Variants in EYS observed in about 807,000 individuals in gnomAD.
The protein encoded by EYS is EGF-like photoreceptor maintenance factor, also known as protein eyes shut homolog.
EYS carries 250 observed loss-of-function variants against 282.1 expected under a neutral mutation model. The observed-to-expected ratio is 0.89, with a 90% CI of 0.80 to 0.98. The LOEUF (loss-of-function observed/expected upper bound fraction) is 0.98, where lower values mean the gene tolerates loss of function less well. EYS is among the 50% of genes least tolerant of loss of function. The pLI, the probability that EYS is intolerant of heterozygous loss-of-function variation, is 0.00. For synonymous variants in EYS, 1,355 were observed against 1,282.9 expected (o/e 1.06, Z -1.20); for missense variants, 4,016 against 3,709.0 (o/e 1.08, Z -2.15).
At chr6:63,859,531 A>G (rs1772481919) in intron 36 of EYS, among the ~76,000 whole-genome samples, 2 of 152,032 alleles carry the variant, frequency 1.3e-5, no homozygotes, top group African/African-American at 4.8e-5. Context: ...AGAGAGCAAG[A>G]GATAACGCAT....
chr6:64,434,942 C>T (rs973079162), intron 28 of EYS, among the ~76,000 whole-genome samples: 1 of 151,970 alleles, frequency 6.6e-6, no homozygotes, highest in Non-Finnish European at 1.5e-5. Flanking sequence ...AGGAGCCCAT[C>T]TATGTCCTTC....
intron 40 of EYS, among the ~76,000 whole-genome samples, chr6:63,763,545 C>A (rs1164622980): frequency 6.6e-6 from 1 of 151,636 alleles, no homozygotes; most frequent in Non-Finnish European, 1.5e-5. Flanking sequence ...GGGGAGGTTT[C>A]CCCCATCCTG....
At chr6:64,302,381 T>C (rs1309516312) in intron 30 of EYS, among the ~76,000 whole-genome samples, 1 of 152,214 alleles carries the variant, frequency 6.6e-6, no homozygotes, top group Non-Finnish European at 1.5e-5. Context: ...AAACAGATGT[T>C]ACACACATCC....
intron 12 of EYS, among the ~76,000 whole-genome samples, chr6:65,148,474 T>C (rs569085512): frequency 1.3e-5 from 2 of 152,256 alleles, no homozygotes; most frequent in East Asian, 1.9e-4. Flanking sequence ...TAGGTTCCCA[T>C]GGCCTTGGGC....
At chr6:64,761,604 A>C (rs1377581666) in intron 22 of EYS, among the ~76,000 whole-genome samples, 4 of 152,094 alleles carry the variant, frequency 2.6e-5, no homozygotes, top group African/African-American at 4.8e-5. Context: ...CTACTGGCGC[A>C]TGCCACCATG....
At chr6:65,330,436 C>A in intron 11 of EYS, 1 of 984,348 alleles carries the variant, frequency 1.0e-6, no homozygotes, top group Non-Finnish European at 1.2e-6. Context: ...CTTAGCAAAT[C>A]TTTCCTGGTC....
Position 65,371,735 on chromosome 6 carries a change from CTCTCTCTG to C in EYS, c.1299+12643_1299+12650del, listed in dbSNP as rs1219021635. 9.9e-3 allele frequency among the ~76,000 whole-genome samples: 475 copies of C among 47,896 alleles called. 3 individuals carry two copies. Among genetic ancestry groups the C allele is most frequent in the Admixed American group, 0.023 (98 of 4,172 alleles). The allele number at this position is 47,896 out of a possible 152,430, so 31.4% of individuals were successfully genotyped here. A position where few individuals can be genotyped will look rare whatever the true frequency, so the allele number is the denominator to read the frequency against. The stretch of plus-strand genomic sequence containing the variant: ...TCTCTCTCTCTCTCTCTCTCTCTCT[CTCTCTCTG>C]TGTGTGTGTGTGTGTGTGTGTGTGT... On this transcript the variant is annotated intron_variant, in intron 8 of 42. Coordinates refer to ENST00000503581, the MANE Select transcript of EYS (RefSeq NM_001142800.2).
intron 12 of EYS, among the ~76,000 whole-genome samples, chr6:65,121,718 T>TAC (rs1386572725): frequency 6.6e-6 from 1 of 152,174 alleles, no homozygotes; most frequent in Non-Finnish European, 1.5e-5. Flanking sequence ...TCTCTCTGTA[T>TAC]TCTACTACTC....
chr6:65,028,142 A>G (rs1484380874), intron 13 of EYS, among the ~76,000 whole-genome samples: 3 of 152,070 alleles, frequency 2.0e-5, no homozygotes, highest in Non-Finnish European at 4.4e-5. Context: ...TGGAGTATTA[A>G]GATCAATTTC....
chr6:64,909,246 C>A (rs1402017303), intron 16 of EYS, among the ~76,000 whole-genome samples: 2 of 151,986 alleles, frequency 1.3e-5, no homozygotes, highest in Admixed American at 1.3e-4. Flanking sequence ...ACACTAACAA[C>A]AAGCAGTTAC....
chr6:64,211,589 TAATC>T (rs1765773312), intron 31 of EYS, among the ~76,000 whole-genome samples: 1 of 130,718 alleles, frequency 7.7e-6, no homozygotes, highest in Non-Finnish European at 1.6e-5. Flanking sequence ...TTTCATATAT[TAATC>T]TAATTTAATT....
chr6:63,789,324 G>T, intron 37 of EYS, 100 bp from the exon 38 acceptor site: 2 of 1,184,726 alleles, frequency 1.7e-6, no homozygotes, highest in South Asian at 1.5e-5. Context: ...GATCAGTATG[G>T]TAAGTTATAA....
intron 12 of EYS, among the ~76,000 whole-genome samples, chr6:65,173,133 A>C (rs1765144113): frequency 6.6e-6 from 1 of 151,434 alleles, no homozygotes; most frequent in Non-Finnish European, 1.5e-5. Context: ...ATGTTGGCCT[A>C]AGAGTTGCAA....
At chr6:64,362,651 C>T (rs2150409423) in intron 29 of EYS, among the ~76,000 whole-genome samples, 1 of 151,792 alleles carries the variant, frequency 6.6e-6, no homozygotes, top group Non-Finnish European at 1.5e-5. Flanking sequence ...TTAGAATAGA[C>T]CAAGAATGAA....
At chr6:63,971,432 G>A (rs1766564581) in intron 35 of EYS, among the ~76,000 whole-genome samples, 1 of 152,094 alleles carries the variant, frequency 6.6e-6, no homozygotes, top group African/African-American at 2.4e-5. Context: ...ACTTCAATTA[G>A]ATTATATACT....
At chr6:65,182,556 T>C (rs1408490320) in intron 12 of EYS, among the ~76,000 whole-genome samples, 1 of 144,446 alleles carries the variant, frequency 6.9e-6, no homozygotes, top group African/African-American at 2.9e-5. Flanking sequence ...TTCCTTGACA[T>C]GTTTTGTATT....
intron 29 of EYS, among the ~76,000 whole-genome samples, chr6:64,321,155 C>A (rs114820825): frequency 6.6e-6 from 1 of 151,576 alleles, no homozygotes; most frequent in Non-Finnish European, 1.5e-5. Flanking sequence ...TCAATGATTG[C>A]CCAACTTTAC....
chr6:65,700,188 A>C (rs1769623157), intron 1 of EYS, among the ~76,000 whole-genome samples: 1 of 151,514 alleles, frequency 6.6e-6, no homozygotes, highest in African/African-American at 2.4e-5. Context: ...AAATAATCAC[A>C]TTTTGACTTT....
At chr6:65,071,448 G>A (rs1227056924) in intron 12 of EYS, among the ~76,000 whole-genome samples, 2 of 151,712 alleles carry the variant, frequency 1.3e-5, no homozygotes, top group African/African-American at 4.8e-5. Context: ...TAATGGTAGT[G>A]TTGAAATAGT....
Sources: allele counts gnomAD v4.1 joint callset (sites outside exome capture counted in the v4.1 genomes callset), GRCh38; gene constraint gnomAD v4.1.1; transcripts MANE v1.5; gene names NCBI Gene and HGNC (gene_info 2026-07-23, HGNC 2026-07-21).